SMC3: variants seen among roughly 807,000 people sequenced by gnomAD.
The protein encoded by SMC3 is structural maintenance of chromosomes protein 3.
SMC3 carries 20 observed loss-of-function variants against 171.8 expected under a neutral mutation model. The observed-to-expected ratio is 0.12, with a 90% CI of 0.08 to 0.17. The LOEUF (loss-of-function observed/expected upper bound fraction) is 0.17. Ranked by LOEUF, SMC3 falls within the 10% of genes least tolerant of loss-of-function variation. The pLI is 1.00. For missense variants in SMC3, 543 were observed against 1,420.4 expected (o/e 0.38, Z 9.93); for synonymous variants, 464 against 451.1 (o/e 1.03, Z -0.36).
At chr10:110,595,565 A>G (rs954495117) in intron 18 of SMC3, among the ~76,000 whole-genome samples, 2 of 152,168 alleles carry the variant, frequency 1.3e-5, no homozygotes, top group East Asian at 1.9e-4. Flanking sequence ...GGTTCTCCCA[A>G]CAACTTCAGT....
Position 110,604,370 on chromosome 10 carries a change from A to T in SMC3, c.*68A>T, listed in dbSNP as rs975897837. 3.5e-6 allele frequency: 4 copies of T among 1,148,074 alleles called. 1 individual carries two copies. In the African/African-American group the frequency reaches 6.1e-5, roughly 17 times the overall value. 71.1% of individuals were successfully genotyped at this position (1,148,074 alleles called of 1,614,324 possible). ...TATGATTCTCATACCCAGGAACTGT[A>T]AATTTAAACCTAAATATTTGGCCAA... is the stretch of plus-strand genomic sequence containing the variant. On this transcript the variant is annotated 3_prime_UTR_variant, in exon 29 of 29. Coordinates refer to ENST00000361804, the MANE Select transcript of SMC3 (RefSeq NM_005445.4).
chr10:110,604,334 G>C lies in SMC3; in HGVS notation c.*32G>C. Reference sequence around the variant, plus strand: ...AATACTACCTACTGGTTTGGGAGATGTATATAGTAATATGATTCTCATACC... The same window carrying C: ...AATACTACCTACTGGTTTGGGAGATCTATATAGTAATATGATTCTCATACC... On this transcript the variant is annotated 3_prime_UTR_variant, in exon 29 of 29. Transcript: ENST00000361804. The C allele has an allele frequency of 6.9e-7, 1 of 1,442,694 alleles. No individual in the cohort carries two copies. The highest frequency in any genetic ancestry group is 9.7e-7 in the Non-Finnish European group (1 of 1,026,020). 89.4% of individuals were successfully genotyped at this position (1,442,694 alleles called of 1,614,324 possible).
intron 2 of SMC3, among the ~76,000 whole-genome samples, chr10:110,570,356 A>G (rs989913721): frequency 2.6e-5 from 4 of 152,242 alleles, no homozygotes; most frequent in East Asian, 3.8e-4. Flanking sequence ...GTATAAAATG[A>G]TAAAATTGAA....
At chr10:110,595,978 C>T (rs1473824461) in intron 18 of SMC3, among the ~76,000 whole-genome samples, 2 of 124,260 alleles carry the variant, frequency 1.6e-5, no homozygotes, top group Non-Finnish European at 3.2e-5. Context: ...TGGCTTGACT[C>T]TGTAATCCTA....
chr10:110,590,956 C>T, intron 16 of SMC3, 35 bp from the exon 17 acceptor site: 1 of 1,602,924 alleles, frequency 6.2e-7, no homozygotes, highest in Non-Finnish European at 8.5e-7. Flanking sequence ...ACCCTGAGTA[C>T]CAATAAAGAT....
intron 8 of SMC3, 124 bp from the exon 9 acceptor site, chr10:110,581,799 C>A: frequency 1.0e-6 from 1 of 957,652 alleles, no homozygotes; most frequent in Non-Finnish European, 1.6e-6. Flanking sequence ...ATTGGGTTAC[C>A]ACATCACATC....
Position 110,575,014 on chromosome 10 carries a change from C to T in SMC3, c.131-322C>T, listed in dbSNP as rs962773631. On this transcript the variant is annotated intron_variant, in intron 3 of 28. Coordinates refer to ENST00000361804, the MANE Select transcript of SMC3 (RefSeq NM_005445.4). ...GGAAAAAAGCAAATACAGTGTTAAC[C>T]TAATCCAGTCAGTGAACACTTTGAG... 1.2e-4 allele frequency among the ~76,000 whole-genome samples: 18 copies of T among 152,108 alleles called. 1 individual carries two copies. The highest frequency in any genetic ancestry group is 4.3e-4 in the African/African-American group (18 of 41,410).
chr10:110,595,914 G>GT (rs1171649307), intron 18 of SMC3, among the ~76,000 whole-genome samples: 2 of 28,854 alleles, frequency 6.9e-5, no homozygotes, highest in African/African-American at 2.2e-4. Context: ...TCAACTGGAG[G>GT]TTCTTTTTTT....
intron 2 of SMC3, among the ~76,000 whole-genome samples, chr10:110,572,454 A>C (rs532029573): frequency 9.7e-4 from 148 of 152,280 alleles, no homozygotes; most frequent in Non-Finnish European, 1.8e-3. Context: ...GATCATTTCC[A>C]CAGCCTTCCT....
Position 110,590,402 on chromosome 10 carries a change from C to A in SMC3, c.1510-10C>A. 1 of 1,611,778 alleles carries A rather than the reference C, an allele frequency of 6.2e-7. No individual in the cohort carries two copies. Among genetic ancestry groups the A allele is most frequent in the Non-Finnish European group, 8.5e-7 (1 of 1,178,020 alleles). On this transcript the variant is annotated splice_polypyrimidine_tract_variant and intron_variant, in intron 15 of 28. Coordinates refer to ENST00000361804, the MANE Select transcript of SMC3 (RefSeq NM_005445.4). Reference sequence around the variant, plus strand: ...TTATTTTAATATTTTTCATTTCTGACAACTTACAGGCCATTTTAAATGGAA... The same window carrying A: ...TTATTTTAATATTTTTCATTTCTGAAAACTTACAGGCCATTTTAAATGGAA...
intron 21 of SMC3, 65 bp downstream of exon 21, chr10:110,599,877 T>G: frequency 7.0e-7 from 1 of 1,432,536 alleles, no homozygotes. Flanking sequence ...AGGGCCTTTC[T>G]TGCTAACTAG....
At chr10:110,587,689 GAAAAAAAA>G (rs34378467) in intron 13 of SMC3, among the ~76,000 whole-genome samples, 3 of 94,194 alleles carry the variant, frequency 3.2e-5, no homozygotes, top group African/African-American at 1.0e-4. Flanking sequence ...CCGTCTCAAA[GAAAAAAAA>G]AAAAAAAAAG....
At position 110,602,031 on chromosome 10, in the gene SMC3, T is replaced by A. The variant is rs1320415794; in HGVS notation, c.2958T>A (p.Ala986=). The A allele has an allele frequency of 6.2e-7, 1 of 1,613,792 alleles. No individual in the cohort carries two copies. Among genetic ancestry groups the A allele is most frequent in the African/African-American group, 1.3e-5 (1 of 74,928 alleles). The change falls in exon 25 of 29, where the codon GCT becomes GCA. Residue 986 remains alanine, a synonymous_variant. Transcript: ENST00000361804. ...AGTACAGCCATGTTAACAAAAAGGC[T>A]TTGGATCAGTTTGTAAATTTCTCCG... ...LKKYSHVNKK[A]LDQFVNFSEQ...
At chr10:110,590,124 T>C (rs1429066910) in intron 15 of SMC3, 133 bp downstream of exon 15, 16 of 746,150 alleles carry the variant, frequency 2.1e-5, no homozygotes, top group Admixed American at 9.8e-5. Context: ...ATCTTCTAAA[T>C]ATGAAATGAT....
At chr10:110,602,755 C>A in intron 26 of SMC3, 70 bp from the exon 27 acceptor site, 1 of 1,565,858 alleles carries the variant, frequency 6.4e-7, no homozygotes, top group Non-Finnish European at 8.8e-7. Context: ...GCATTATATG[C>A]AAGTTACTTT....
rs1418240351 is a variant in SMC3 at position 110,604,789 on chromosome 10, A to G, written c.*487A>G. On this transcript the variant is annotated 3_prime_UTR_variant, in exon 29 of 29. Transcript: ENST00000361804. ...TGAGGTATTGAGGGTTAGGACTTCA[A>G]CATGTGAGTTTGGGAAGGGAAGCAC... is the stretch of plus-strand genomic sequence containing the variant. Among the ~76,000 whole-genome samples the G allele has an allele frequency of 6.6e-6, 1 of 152,292 alleles. No homozygotes were observed. Among genetic ancestry groups the G allele is most frequent in the Non-Finnish European group, 1.5e-5 (1 of 67,996 alleles).
rs1861455283 is a variant in SMC3 at position 110,605,539 on chromosome 10, TA to T, written c.*1240del. Among the ~76,000 whole-genome samples the T allele has an allele frequency of 6.6e-6, 1 of 152,328 alleles. No homozygotes were observed. The highest frequency in any genetic ancestry group is 2.1e-4 in the South Asian group (1 of 4,822). ...AATACCTAAAGAGATACTTTTAAAATAAAGAAATAGTAATGGGACTTTAAAT... is the reference window on the plus strand; with the variant it reads ...AATACCTAAAGAGATACTTTTAAAATAAGAAATAGTAATGGGACTTTAAAT... On this transcript the variant is annotated 3_prime_UTR_variant, in exon 29 of 29. Transcript: ENST00000361804.
intron 18 of SMC3, among the ~76,000 whole-genome samples, chr10:110,593,470 G>C (rs574249927): frequency 6.6e-6 from 1 of 152,222 alleles, no homozygotes; most frequent in African/African-American, 2.4e-5. Context: ...TACTCAGGAG[G>C]CTGGGGCAGG....
chr10:110,600,515 A>G lies in SMC3; in HGVS notation c.2504A>G (p.Asn835Ser). Residue 835 changes from asparagine to serine, a missense_variant, in exon 22 of 29, where the codon AAT (asparagine) becomes AGT (serine). Around this residue, in one of 8 missense-constraint regions of SMC3, gnomAD observed 33 missense variants for 33.6 expected, o/e 0.98. Coordinates refer to ENST00000361804, the MANE Select transcript of SMC3 (RefSeq NM_005445.4). ...ITRVETYLNE[N>S]LRKRLDQVEQ... ...CGAGTAGAGACTTATCTCAATGAGA[A>G]TCTGAGAAAACGCTTGGACCAAGTA... 1.3e-6 allele frequency: 2 copies of G among 1,593,936 alleles called. No individual in the cohort carries two copies. Among genetic ancestry groups the G allele is most frequent in the Non-Finnish European group, 1.7e-6 (2 of 1,161,800 alleles).
Sources: gnomAD v4.1 joint callset for allele counts (sites outside exome capture counted in the v4.1 genomes callset) on GRCh38, gnomAD v4.1.1 for gene constraint, gnomAD v4.1.1 regional missense constraint, MANE v1.5 for transcripts, NCBI Gene and HGNC (gene_info 2026-07-23, HGNC 2026-07-21) for gene names.